Variants in ARHGAP8 observed in about 807,000 individuals in gnomAD.
ARHGAP8 encodes Rho GTPase activating protein 8, also known as rho GTPase-activating protein 8.
In ARHGAP8, 62 loss-of-function variants were observed where a neutral mutation model predicts 46.1. The ratio of observed to expected loss-of-function variants is 1.34; its 90% CI spans 1.10 to 1.66. ARHGAP8 has a LOEUF of 1.66. ARHGAP8 is among the 40% of genes most tolerant of loss of function. ARHGAP8 has a pLI of 0.00. For missense variants in ARHGAP8, 923 were observed against 568.4 expected, an observed-to-expected ratio of 1.62 and a Z score of -6.34; for synonymous variants, 375 against 243.1, an observed-to-expected ratio of 1.54 and a Z score of -5.05.
chr22:44,845,498 G>A (rs765957967), intron 8 of ARHGAP8, among the ~76,000 whole-genome samples, 156 bp downstream of exon 8: 36 of 152,152 alleles, frequency 2.4e-4, no homozygotes, highest in Admixed American at 5.2e-4. Flanking sequence ...CTCTGGCCTC[G>A]GATGGTCTGG....
At chr22:44,860,989 ACTAAACTCTC>A (rs1483169853) in intron 11 of ARHGAP8, among the ~76,000 whole-genome samples, 2 of 126,622 alleles carry the variant, frequency 1.6e-5, no homozygotes, top group African/African-American at 5.6e-5. Context: ...GAGGCCCAAA[ACTAAACTCTC>A]CTAATTCTCT....
chr22:44,835,395 G>A (rs977350500), intron 7 of ARHGAP8, among the ~76,000 whole-genome samples: 37 of 152,010 alleles, frequency 2.4e-4, no homozygotes, highest in Non-Finnish European at 1.3e-4. Context: ...CGAGGTGGGC[G>A]GATCACGAGA....
intron 11 of ARHGAP8, among the ~76,000 whole-genome samples, chr22:44,860,130 T>G (rs901849303): frequency 2.6e-5 from 4 of 152,122 alleles, no homozygotes; most frequent in African/African-American, 9.7e-5. Context: ...CCATGTCATT[T>G]CCTGCTTGGG....
chr22:44,834,123 G>GTTA (rs1449650705), intron 7 of ARHGAP8, among the ~76,000 whole-genome samples: 3 of 151,992 alleles, frequency 2.0e-5, no homozygotes, highest in Admixed American at 2.0e-4. Flanking sequence ...GATGTTCTCT[G>GTTA]TTATTTTCCT....
intron 5 of ARHGAP8, among the ~76,000 whole-genome samples, chr22:44,821,234 A>G (rs924670714): frequency 3.9e-5 from 6 of 152,130 alleles, no homozygotes; most frequent in East Asian, 1.9e-4. Flanking sequence ...GATCGAGACC[A>G]TCCTGGCTAA....
intron 5 of ARHGAP8, among the ~76,000 whole-genome samples, chr22:44,815,344 G>A (rs533835585): frequency 3.9e-5 from 6 of 152,202 alleles, no homozygotes; most frequent in African/African-American, 7.2e-5. Context: ...GCATCCACCC[G>A]GCTGACCTCA....
At chr22:44,853,786 G>C (rs1186718900) in intron 10 of ARHGAP8, among the ~76,000 whole-genome samples, 3 of 152,002 alleles carry the variant, frequency 2.0e-5, no homozygotes, top group Non-Finnish European at 4.4e-5. Context: ...CTAGCACTTT[G>C]GGAGACCAAG....
rs1398902079 is a variant in ARHGAP8, at chr22:44,862,497, G to C, written c.1204G>C (p.Ala402Pro). 1 of 1,613,560 alleles carries C rather than the reference G, an allele frequency of 6.2e-7. No individual in the cohort carries two copies. The highest frequency in any genetic ancestry group is 1.7e-5 in the Admixed American group (1 of 60,002). The part of the protein sequence containing the change: ...LAPWEQGSRA[A>P]PLQEAVPRTQ... ...ACCATGGGAACAGGGGAGCAGGGCAGCCCCTTTGCAGGAGGCTGTGCCACG... is the reference window on the plus strand; with the variant it reads ...ACCATGGGAACAGGGGAGCAGGGCACCCCCTTTGCAGGAGGCTGTGCCACG... Residue 402 changes from alanine to proline, a missense_variant, in exon 12 of 12, where the codon GCC becomes CCC. Ala to Pro is a conservative substitution (Grantham distance 27). Coordinates refer to ENST00000356099, the MANE Select transcript of ARHGAP8 (RefSeq NM_181335.3).
At chr22:44,838,074 A>T (rs941623994) in intron 7 of ARHGAP8, among the ~76,000 whole-genome samples, 2 of 151,892 alleles carry the variant, frequency 1.3e-5, no homozygotes, top group Admixed American at 6.6e-5. Flanking sequence ...CCCGGGTTCA[A>T]ATGATTCTTC....
chr22:44,848,527 C>T (rs965335988), intron 9 of ARHGAP8, among the ~76,000 whole-genome samples: 1 of 152,254 alleles, frequency 6.6e-6, no homozygotes, highest in African/African-American at 2.4e-5. Context: ...CCACTCGCTC[C>T]CGTCATCAGT....
intron 10 of ARHGAP8, among the ~76,000 whole-genome samples, chr22:44,855,688 CTT>C (rs777044593): frequency 5.9e-5 from 9 of 152,104 alleles, no homozygotes; most frequent in Non-Finnish European, 1.3e-4. Flanking sequence ...ACCCATAAGA[CTT>C]TTTGTGGCCA....
chr22:44,841,673 G>A (rs1256527896), intron 7 of ARHGAP8, among the ~76,000 whole-genome samples: 3 of 152,242 alleles, frequency 2.0e-5, no homozygotes, highest in East Asian at 1.9e-4. Flanking sequence ...GCAGGGGCTC[G>A]GCCCACCTCC....
Position 44,847,962 on chromosome 22 carries a change from C to A in ARHGAP8, c.671-11C>A. The A allele has an allele frequency of 2.5e-6, 4 of 1,606,350 alleles. No homozygotes were observed. Among genetic ancestry groups the A allele is most frequent in the Non-Finnish European group, 3.4e-6 (4 of 1,179,630 alleles). On this transcript the variant is annotated splice_polypyrimidine_tract_variant and intron_variant, in intron 8 of 11. Transcript: ENST00000356099. ...GGACCTGTGAGATGCCTGGAAGCTCCTCTCCTGCAGGCCTGCGCACCGAGG... is the reference window on the plus strand; with the variant it reads ...GGACCTGTGAGATGCCTGGAAGCTCATCTCCTGCAGGCCTGCGCACCGAGG...
chr22:44,822,017 A>G (rs1001214096), intron 5 of ARHGAP8, among the ~76,000 whole-genome samples: 1 of 152,242 alleles, frequency 6.6e-6, no homozygotes, highest in African/African-American at 2.4e-5. Flanking sequence ...TCTCTGTGCC[A>G]GTGGCTTAGT....
Position 44,786,549 on chromosome 22 carries a change from C to T in ARHGAP8, c.22C>T (p.Leu8=), listed in dbSNP as rs942763822. MAGQDPA[L]STSHPFYDVA... The stretch of plus-strand genomic sequence containing the variant: ...GCCCATGGCTGGCCAGGATCCTGCG[C>T]TGAGCACGAGTCACCCGTTCTACGA... Residue 8 remains leucine, a synonymous_variant, in exon 2 of 12, where the codon CTG becomes TTG. Coordinates refer to ENST00000356099, the MANE Select transcript of ARHGAP8 (RefSeq NM_181335.3). 2 of 1,613,364 alleles carry T rather than the reference C, an allele frequency of 1.2e-6. No homozygotes were observed. The highest frequency in any genetic ancestry group is 3.3e-4 in the Middle Eastern group (2 of 6,040).
intron 7 of ARHGAP8, among the ~76,000 whole-genome samples, chr22:44,839,146 C>G (rs1569172803): frequency 6.6e-6 from 1 of 152,142 alleles, no homozygotes; most frequent in Non-Finnish European, 1.5e-5. Context: ...ACATTCCTCC[C>G]TCCCCAGGGA....
chr22:44,837,113 G>C (rs931738614), intron 7 of ARHGAP8, among the ~76,000 whole-genome samples: 1 of 152,152 alleles, frequency 6.6e-6, no homozygotes, highest in Admixed American at 6.5e-5. Flanking sequence ...TCGAATTCCC[G>C]ACCTCAGGTG....
At chr22:44,793,953 C>CGGGGATTCCTCTCAGCTGCT (rs1452937662) in intron 2 of ARHGAP8, among the ~76,000 whole-genome samples, 1 of 152,150 alleles carries the variant, frequency 6.6e-6, no homozygotes, top group Non-Finnish European at 1.5e-5. Context: ...TTGAAGGTTC[C>CGGGGATTCCTCTCAGCTGCT]GGGGATTCCT....
At chr22:44,774,868 TCACCCGGGCTGGAGTGCAGTGGAG>T (rs1926308520) in intron 1 of ARHGAP8, among the ~76,000 whole-genome samples, 1 of 151,918 alleles carries the variant, frequency 6.6e-6, no homozygotes, top group Non-Finnish European at 1.5e-5. Flanking sequence ...TCTCACTCTG[TCACCCGGGCTGGAGTGCAGTGGAG>T]CAATCGTGGC....
Sources: gnomAD v4.1 joint callset for allele counts (sites outside exome capture counted in the v4.1 genomes callset) on GRCh38, gnomAD v4.1.1 for gene constraint, MANE v1.5 for transcripts, NCBI Gene and HGNC (gene_info 2026-07-23, HGNC 2026-07-21) for gene names.